RARB: variants seen among roughly 807,000 people sequenced by gnomAD.
RARB encodes retinoic acid receptor beta.
Under a neutral mutation model 51.9 loss-of-function variants are expected in RARB, and 17 were observed. The ratio of observed to expected loss-of-function variants is 0.33; its 90% CI spans 0.22 to 0.49. The LOEUF is 0.49. Among genes scored for constraint, RARB ranks in the 20% least tolerant of loss-of-function variants. RARB has a pLI of 0.99. For synonymous variants in RARB, 215 were observed against 195.4 expected (o/e 1.10, Z -0.84); for missense variants, 369 against 550.8 (o/e 0.67, Z 3.30).
intron 2 of RARB, among the ~76,000 whole-genome samples, chr3:25,473,862 A>T (rs1393920321): frequency 6.9e-6 from 1 of 144,106 alleles, no homozygotes; most frequent in African/African-American, 2.6e-5. Flanking sequence ...AGAAAAAAGC[A>T]AGATCTTCGG....
At chr3:25,068,875 C>A (rs1698715932) in intron 3 of RARB, among the ~76,000 whole-genome samples, 1 of 151,794 alleles carries the variant, frequency 6.6e-6, no homozygotes, top group Non-Finnish European at 1.5e-5. Flanking sequence ...ATGAGCCTAT[C>A]AATCAGCCAC....
At chr3:25,011,053 G>C (rs781398932) in intron 2 of RARB, among the ~76,000 whole-genome samples, 3 of 152,052 alleles carry the variant, frequency 2.0e-5, no homozygotes, top group Non-Finnish European at 4.4e-5. Context: ...ACCTATATCT[G>C]TTCGATTGTT....
chr3:24,991,638 C>G (rs549480451), intron 2 of RARB, among the ~76,000 whole-genome samples: 1 of 152,162 alleles, frequency 6.6e-6, no homozygotes, highest in South Asian at 2.1e-4. Flanking sequence ...ACAACAAGCA[C>G]AGTTGTATTA....
intron 2 of RARB, among the ~76,000 whole-genome samples, chr3:24,974,697 T>C (rs1258992895): frequency 1.3e-5 from 2 of 152,110 alleles, no homozygotes; most frequent in Non-Finnish European, 2.9e-5. Context: ...TCCCTAAGCC[T>C]TAATAGAGAA....
intron 5 of RARB, among the ~76,000 whole-genome samples, chr3:25,241,207 C>A (rs1267492771): frequency 6.6e-6 from 1 of 152,106 alleles, no homozygotes; most frequent in East Asian, 1.9e-4. Flanking sequence ...GTTTCATTTA[C>A]ATATATTTGT....
chr3:25,552,638 TCA>T (rs1699894136), intron 3 of RARB, among the ~76,000 whole-genome samples: 1 of 152,222 alleles, frequency 6.6e-6, no homozygotes, highest in South Asian at 2.1e-4. Context: ...AGGTCAGTTC[TCA>T]CTCTTCACCT....
intron 1 of RARB, among the ~76,000 whole-genome samples, chr3:25,456,431 T>C (rs1177190937): frequency 6.6e-6 from 1 of 152,118 alleles, no homozygotes; most frequent in Non-Finnish European, 1.5e-5. Context: ...AGGCAAGAGA[T>C]TGCATTAAAG....
intron 5 of RARB, among the ~76,000 whole-genome samples, chr3:25,309,361 G>T (rs973221767): frequency 4.7e-5 from 7 of 149,324 alleles, no homozygotes; most frequent in Non-Finnish European, 7.4e-5. Flanking sequence ...GGCTGGTCTC[G>T]ATCTCCTGAC....
Position 25,032,493 on chromosome 3 carries a change from C to T in RARB, c.-379-27632C>T, listed in dbSNP as rs542148304. ...ATGAGACTGTCTTATTCACTGATTA[C>T]GTGGATCTGAAGTGAAGCAGAGATG... On this transcript the variant is annotated intron_variant, in intron 2 of 11. Transcript: ENST00000383772. Among the ~76,000 whole-genome samples the T allele has an allele frequency of 3.9e-5, 6 of 152,296 alleles. No individual in the cohort carries two copies. In the East Asian group the frequency reaches 7.7e-4, roughly 20 times the overall value.
chr3:25,593,427 A>G, intron 5 of RARB, 76 bp from the exon 6 acceptor site: 2 of 1,374,328 alleles, frequency 1.5e-6, no homozygotes, highest in Admixed American at 3.5e-5. Flanking sequence ...TCTTCATGTT[A>G]TTTCCTGCTT....
rs1699012436 is a variant in RARB at position 25,081,859 on chromosome 3, C to G, written c.-328+21683C>G. The stretch of plus-strand genomic sequence containing the variant: ...TGTTGGCCAGGCTGGTCTCGAACTC[C>G]TGACCTCAGGTGATCCGCCTGCCTT... On this transcript the variant is annotated intron_variant, in intron 3 of 11. Transcript: ENST00000383772. 1.3e-5 allele frequency among the ~76,000 whole-genome samples: 2 copies of G among 151,340 alleles called. 1 individual carries two copies. Among genetic ancestry groups the G allele is most frequent in the South Asian group, 4.2e-4 (2 of 4,802 alleles).
Position 25,594,691 on chromosome 3 carries a change from GCT to G in RARB, c.1150+17_1150+18del. 1.2e-6 allele frequency: 2 copies of G among 1,604,526 alleles called. No homozygotes were observed. Among genetic ancestry groups the G allele is most frequent in the Non-Finnish European group, 1.7e-6 (2 of 1,176,374 alleles). The stretch of plus-strand genomic sequence containing the variant: ...ATCAGTGCTAAAGGTATGTCTTCGT[GCT>G]CTCAGTACTGTAGTCACACAGTGGA... On this transcript the variant is annotated intron_variant, in intron 7 of 7. Transcript: ENST00000330688.
intron 4 of RARB, among the ~76,000 whole-genome samples, chr3:25,142,756 G>A (rs904115804): frequency 6.6e-6 from 1 of 152,090 alleles, no homozygotes; most frequent in African/African-American, 2.4e-5. Context: ...ACCAAGAGCA[G>A]AGCAGTCAGC....
chr3:24,906,836 T>C (rs1261090252), intron 2 of RARB, among the ~76,000 whole-genome samples: 132 of 115,286 alleles, frequency 1.1e-3, no homozygotes, highest in African/African-American at 4.9e-3. Flanking sequence ...CAGAATGAGA[T>C]TCCGTCTCAA....
At chr3:24,920,221 T>C (rs563688284) in intron 2 of RARB, among the ~76,000 whole-genome samples, 2 of 152,330 alleles carry the variant, frequency 1.3e-5, no homozygotes, top group African/African-American at 4.8e-5. Context: ...TGTGTTGAAG[T>C]CCTTAAAAAT....
At chr3:25,269,421 C>G (rs1703200149) in intron 5 of RARB, among the ~76,000 whole-genome samples, 1 of 152,200 alleles carries the variant, frequency 6.6e-6, no homozygotes, top group East Asian at 1.9e-4. Context: ...GTCCAACTAC[C>G]TGGGTTCAAA....
At position 25,111,771 on chromosome 3, in the gene RARB, G is replaced by A. The variant is rs141822995; in HGVS notation, c.-327-20390G>A. On this transcript the variant is annotated intron_variant, in intron 3 of 11. Transcript: ENST00000383772. ...TTTTTGTATTTTTAGTAGAGGTGGG[G>A]TTTCACTATGTTGGCCAGGCTGGTC... 4.8e-3 allele frequency among the ~76,000 whole-genome samples: 728 copies of A among 151,948 alleles called. 14 individuals carry two copies. The highest frequency in any genetic ancestry group is 0.046 in the South Asian group (222 of 4,798).
At chr3:25,157,642 C>G (rs1390241144) in intron 4 of RARB, among the ~76,000 whole-genome samples, 1 of 152,210 alleles carries the variant, frequency 6.6e-6, no homozygotes, top group Non-Finnish European at 1.5e-5. Flanking sequence ...AGCGATCTGC[C>G]TGCCTCCGCC....
At chr3:25,333,179 T>G (rs1167866732) in intron 5 of RARB, among the ~76,000 whole-genome samples, 6 of 152,056 alleles carry the variant, frequency 3.9e-5, no homozygotes, top group African/African-American at 1.4e-4. Flanking sequence ...AAAACTACTT[T>G]AAAGTTCATA....
Sources: allele counts gnomAD v4.1 joint callset (sites outside exome capture counted in the v4.1 genomes callset), GRCh38; gene constraint gnomAD v4.1.1; transcripts MANE v1.5; gene names NCBI Gene and HGNC (gene_info 2026-07-23, HGNC 2026-07-21).